Variants in NEURL4 observed in about 807,000 individuals in gnomAD.
NEURL4 encodes neuralized E3 ubiquitin protein ligase 4.
Under a neutral mutation model 148.0 loss-of-function variants are expected in NEURL4, and 45 were observed. That is an observed-to-expected ratio of 0.30 (90% CI 0.24 to 0.39). The LOEUF is 0.39. NEURL4 is among the 10% of genes least tolerant of loss of function. The pLI, the probability that NEURL4 is intolerant of heterozygous loss-of-function variation, is 1.00. For missense variants in NEURL4, 1,776 were observed against 2,144.0 expected (o/e 0.83, Z 3.39); for synonymous variants, 854 against 869.0 (o/e 0.98, Z 0.30).
chr17:7,325,621 T>A lies in NEURL4; in HGVS notation c.1366+20A>T. On this transcript the variant is annotated intron_variant, in intron 7 of 28. Transcript: ENST00000399464. The stretch of plus-strand genomic sequence containing the variant: ...CCACCGAAAGCCCCGGCCCAGAGGC[T>A]CTCTCTGGGCGGCCCTTACCCTGAT... The A allele has an allele frequency of 6.2e-7, 1 of 1,609,272 alleles. No homozygotes were observed. Among genetic ancestry groups the A allele is most frequent in the Non-Finnish European group, 8.5e-7 (1 of 1,176,146 alleles).
rs2073068522 is a variant in NEURL4, at chr17:7,324,102, C to G, written c.2062+6G>C. On this transcript the variant is annotated splice_donor_region_variant and intron_variant, in intron 11 of 28. Transcript: ENST00000399464. This position sits in a 1 kb window ranked among gnomAD's most constrained non-coding sequence, Gnocchi z 5.9. Reference sequence around the variant, plus strand: ...ACCCCCAGCCCCAGCCCAGCCCGGCCCTCACCCACGTCGTCCACAATGGTG... The same window carrying G: ...ACCCCCAGCCCCAGCCCAGCCCGGCGCTCACCCACGTCGTCCACAATGGTG... 1 of 1,612,194 alleles carries G rather than the reference C, an allele frequency of 6.2e-7. No individual in the cohort carries two copies. Among genetic ancestry groups the G allele is most frequent in the African/African-American group, 1.3e-5 (1 of 74,924 alleles).
At chr17:7,320,965 C>G (rs1268482370) in intron 20 of NEURL4, 42 bp from the exon 21 acceptor site, 1 of 1,607,850 alleles carries the variant, frequency 6.2e-7, no homozygotes. Flanking sequence ...GTTGCCAATG[C>G]CAGGACTGAC....
At position 7,318,504 on chromosome 17, in the gene NEURL4, C is replaced by A; in HGVS notation, c.3855G>T (p.Gln1285His). The A allele has an allele frequency of 6.2e-7, 1 of 1,607,824 alleles. No homozygotes were observed. Among genetic ancestry groups the A allele is most frequent in the Non-Finnish European group, 8.5e-7 (1 of 1,176,242 alleles). The change falls in exon 23 of 29, where the codon CAG (glutamine) becomes CAT (histidine). Residue 1285 changes from glutamine to histidine, a missense_variant. Transcript: ENST00000399464. This position sits in a 1 kb window ranked among gnomAD's most constrained non-coding sequence, Gnocchi z 4.3. ...PCHALVDLYG[Q>H]CEQVTIVNPE... ...CCCCACTGCCACTAACCTGCTCACA[C>A]TGCCCATAGAGGTCCACAAGCGCAT...
rs778898477 is a variant in NEURL4, at chr17:7,327,794, C to G, written c.373G>C (p.Gly125Arg). The stretch of plus-strand genomic sequence containing the variant: ...CAGCCCGACACTACCCACGAGCCCC[C>G]CTTCAGGCCCGTGGCACTGCTTGGA... ...DFPSSATGLK[G>R]GSWVVSGCSV... is the part of the protein sequence containing the mutation. The change falls in exon 2 of 29, where the codon GGG becomes CGG. Residue 125 changes from glycine to arginine, a missense_variant. Physicochemically the swap from Gly to Arg is moderately radical, Grantham distance 125. Transcript: ENST00000399464. This position sits in a 1 kb window ranked among gnomAD's most constrained non-coding sequence, Gnocchi z 6.6. 15 of 1,613,874 alleles carry G rather than the reference C, an allele frequency of 9.3e-6. No homozygotes were observed. Among genetic ancestry groups the G allele is most frequent in the East Asian group, 4.5e-5 (2 of 44,892 alleles).
chr17:7,318,403 C>G lies in NEURL4; in HGVS notation c.3865-47G>C. The G allele has an allele frequency of 6.2e-7, 1 of 1,608,176 alleles. No individual in the cohort carries two copies. The highest frequency in any genetic ancestry group is 8.5e-7 in the Non-Finnish European group (1 of 1,174,854). The stretch of plus-strand genomic sequence containing the variant: ...GACAGAGCTTGGTCAGACCCCAGGG[C>G]CTGCTGATCCCTCCCTGGAACAGAG... On this transcript the variant is annotated intron_variant, in intron 23 of 28. Coordinates refer to ENST00000399464, the MANE Select transcript of NEURL4 (RefSeq NM_032442.3). This position sits in a 1 kb window ranked among gnomAD's most constrained non-coding sequence, Gnocchi z 4.3.
At position 7,327,211 on chromosome 17, in the gene NEURL4, CGCT is replaced by C; in HGVS notation, c.744_746del (p.Ala249del). 1 of 1,611,066 alleles carries C rather than the reference CGCT, an allele frequency of 6.2e-7. No homozygotes were observed. The highest frequency in any genetic ancestry group is 8.5e-7 in the Non-Finnish European group (1 of 1,179,472). ...TAGGAAACGTCTCCGGCCGGGCCTG[CGCT>C]GGGGACACCATGAAGGCTGGGGACC... On this transcript the variant is annotated inframe_deletion, in exon 3 of 29. Coordinates refer to ENST00000399464, the MANE Select transcript of NEURL4 (RefSeq NM_032442.3). This position sits in a 1 kb window ranked among gnomAD's most constrained non-coding sequence, Gnocchi z 6.6.
Position 7,326,432 on chromosome 17 carries a change from G to A in NEURL4, c.1204+5C>T. 2 of 1,614,040 alleles carry A rather than the reference G, an allele frequency of 1.2e-6. No individual in the cohort carries two copies. The highest frequency in any genetic ancestry group is 1.7e-5 in the Admixed American group (1 of 60,028). ...TGCACCCCCGCCCCTGCCCGGGGCT[G>A]GTACCTGACTGGAGGTTGGTCATGG... On this transcript the variant is annotated splice_donor_5th_base_variant and intron_variant, in intron 5 of 28. Transcript: ENST00000399464. The surrounding 1 kb of genome is among the most constrained non-coding windows in gnomAD (Gnocchi z 6.0).
rs374065014 is a variant in NEURL4, at chr17:7,318,310, G to A, written c.3911C>T (p.Ala1304Val). 5 of 1,614,018 alleles carry A rather than the reference G, an allele frequency of 3.1e-6. No homozygotes were observed. In the African/African-American group the frequency reaches 5.3e-5, roughly 17 times the overall value. Residue 1304 changes from alanine to valine, a missense_variant, in exon 24 of 29, where the codon GCT (alanine) becomes GTT (valine). Coordinates refer to ENST00000399464, the MANE Select transcript of NEURL4 (RefSeq NM_032442.3). The surrounding 1 kb of genome is among the most constrained non-coding windows in gnomAD (Gnocchi z 4.3). ...PEPGAASGKS[A>V]GTQGDMEKAD... The stretch of plus-strand genomic sequence containing the variant: ...TTTCTCCATGTCCCCTTGGGTTCCA[G>A]CACTTTTCCCACTGGCAGCCCCTGG...
Position 7,316,246 on chromosome 17 carries a change from C to G in NEURL4, c.4566G>C (p.Pro1522=). The G allele has an allele frequency of 6.2e-7, 1 of 1,613,846 alleles. No homozygotes were observed. The highest frequency in any genetic ancestry group is 2.2e-5 in the East Asian group (1 of 44,888). ...CTCCAAGGGCAGCGGAAGGGGGTCC[C>G]GGGGTGTAGGAGCCAGGGCGCACAC... ...QVCVRPGSYT[P]GPPSAALGEP... is the part of the protein sequence containing the mutation. Residue 1522 remains proline (P), a synonymous_variant, in exon 29 of 29, where the codon CCG becomes CCC. Transcript: ENST00000399464.
At position 7,327,973 on chromosome 17, in the gene NEURL4, TG is replaced by T; in HGVS notation, c.283-90del. Reference sequence around the variant, plus strand: ...TCTTCCCACCTCTCAGACAGCTAGCTGGCTTTCTGTCTCTTGGAACACTAAT... The same window carrying T: ...TCTTCCCACCTCTCAGACAGCTAGCTGCTTTCTGTCTCTTGGAACACTAAT... On this transcript the variant is annotated intron_variant, in intron 1 of 28. Transcript: ENST00000399464. The surrounding 1 kb of genome is among the most constrained non-coding windows in gnomAD (Gnocchi z 6.6). The T allele has an allele frequency of 9.6e-7, 1 of 1,038,694 alleles. No homozygotes were observed. The highest frequency in any genetic ancestry group is 1.7e-5 in the South Asian group (1 of 60,264). 64.3% of individuals were successfully genotyped at this position (1,038,694 alleles called of 1,614,324 possible).
intron 8 of NEURL4, 46 bp downstream of exon 8, chr17:7,325,163 C>CA (rs2073087585): frequency 4.9e-6 from 3 of 611,974 alleles, no homozygotes; most frequent in Non-Finnish European, 8.0e-6. Context: ...CCCCCCCCCC[C>CA]ATTAGAATCC....
rs2073072640 is a variant in NEURL4 at position 7,324,321 on chromosome 17, G to A, written c.1900-51C>T. 6.2e-7 allele frequency: 1 copy of A among 1,613,564 alleles called. No homozygotes were observed. The highest frequency in any genetic ancestry group is 8.5e-7 in the Non-Finnish European group (1 of 1,179,674). On this transcript the variant is annotated intron_variant, in intron 10 of 28. Transcript: ENST00000399464. The surrounding 1 kb of genome is among the most constrained non-coding windows in gnomAD (Gnocchi z 5.9). ...AGGAGTCAGGCAGAGTTCCTGCCGG[G>A]GCTGGTCCTGCATCAGCCCCGCGGT...
intron 12 of NEURL4, 26 bp downstream of exon 12, chr17:7,323,787 TG>T (rs780264812): frequency 1.2e-6 from 2 of 1,613,716 alleles, no homozygotes; most frequent in Admixed American, 1.7e-5. Flanking sequence ...AGGAGGAAGG[TG>T]GGGACATGAA....
Position 7,324,366 on chromosome 17 carries a change from G to A in NEURL4, c.1899+29C>T. The stretch of plus-strand genomic sequence containing the variant: ...CGCGGTGTTTGTGATGCCCGCTGCG[G>A]CCGCCAGGCGGCGCACCCACTTTCC... On this transcript the variant is annotated intron_variant, in intron 10 of 28. Coordinates refer to ENST00000399464, the MANE Select transcript of NEURL4 (RefSeq NM_032442.3). The surrounding 1 kb of genome is among the most constrained non-coding windows in gnomAD (Gnocchi z 5.9). The A allele has an allele frequency of 1.2e-6, 2 of 1,613,982 alleles. No individual in the cohort carries two copies. Among genetic ancestry groups the A allele is most frequent in the Non-Finnish European group, 1.7e-6 (2 of 1,179,920 alleles).
Position 7,327,917 on chromosome 17 carries a change from T to C in NEURL4, c.283-33A>G, listed in dbSNP as rs33998041. 0.17 allele frequency: 258,412 copies of C among 1,516,540 alleles called. 24,971 individuals carry two copies. Among genetic ancestry groups the C allele is most frequent in the East Asian group, 0.38 (15,726 of 41,048 alleles). 93.9% of individuals were successfully genotyped at this position (1,516,540 alleles called of 1,614,324 possible). Reference sequence around the variant, plus strand: ...AGGGGTATTGGACAGAGGCTTAGAATGGGCCACCCCCCATTCCACAGGCCA... The same window carrying C: ...AGGGGTATTGGACAGAGGCTTAGAACGGGCCACCCCCCATTCCACAGGCCA... On this transcript the variant is annotated intron_variant, in intron 1 of 28. Transcript: ENST00000399464. This position sits in a 1 kb window ranked among gnomAD's most constrained non-coding sequence, Gnocchi z 6.6.
In NEURL4 at chr17:7,320,697, G is replaced by C. The variant is rs569403446; in HGVS notation, c.3525+62C>G. 7 of 1,493,882 alleles carry C rather than the reference G, an allele frequency of 4.7e-6. No individual in the cohort carries two copies. The South Asian group carries it at 7.5e-5, about 16-fold the overall frequency. The allele number at this position is 1,493,882 out of a possible 1,614,324, so 92.5% of individuals were successfully genotyped here. On this transcript the variant is annotated intron_variant, in intron 21 of 28. Transcript: ENST00000399464. ...CTCCACACAAAAAGGCCTTTTTTCAGGGGGGTTGGCCATGGGTCACTGTGG... is the reference window on the plus strand; with the variant it reads ...CTCCACACAAAAAGGCCTTTTTTCACGGGGGTTGGCCATGGGTCACTGTGG...
Position 7,323,879 on chromosome 17 carries a change from C to G in NEURL4, c.2196G>C (p.Gly732=), listed in dbSNP as rs536335665. 6.2e-7 allele frequency: 1 copy of G among 1,613,958 alleles called. No individual in the cohort carries two copies. Among genetic ancestry groups the G allele is most frequent in the Non-Finnish European group, 8.5e-7 (1 of 1,180,020 alleles). Residue 732 remains glycine, a synonymous_variant, in exon 12 of 29, where the codon GGG becomes GGC. Coordinates refer to ENST00000399464, the MANE Select transcript of NEURL4 (RefSeq NM_032442.3). Reference sequence around the variant, plus strand: ...AGTTGTGGCGGAGGGCGGTGCGGCCCCCGTTAGTGATGACTGCGTTACTGC... The same window carrying G: ...AGTTGTGGCGGAGGGCGGTGCGGCCGCCGTTAGTGATGACTGCGTTACTGC... The part of the protein sequence containing the change: ...LHGSNAVITN[G]GRTALRHNCR...
intron 21 of NEURL4, among the ~76,000 whole-genome samples, chr17:7,320,202 G>A (rs1324234347): frequency 1.3e-5 from 2 of 150,780 alleles, no homozygotes; most frequent in East Asian, 3.9e-4. Context: ...GCGTGATCTC[G>A]GCTTACTGTA....
chr17:7,323,411 G>A (rs1220738639), intron 14 of NEURL4, 74 bp downstream of exon 14: 17 of 1,484,110 alleles, frequency 1.1e-5, no homozygotes, highest in Admixed American at 1.7e-5. Context: ...GCCACCATAG[G>A]CCCAAACCTT....
Sources: gnomAD v4.1 joint callset for allele counts (sites outside exome capture counted in the v4.1 genomes callset) on GRCh38, gnomAD v4.1.1 for gene constraint, Gnocchi (gnomAD v3.1) non-coding constraint, MANE v1.5 for transcripts, NCBI Gene and HGNC (gene_info 2026-07-23, HGNC 2026-07-21) for gene names.